RDX: variants seen among roughly 807,000 people sequenced by gnomAD.
RDX encodes radixin, also known as deafness, autosomal recessive 24.
Under a neutral mutation model 83.7 loss-of-function variants are expected in RDX, and 32 were observed. The ratio of observed to expected loss-of-function variants is 0.38; its 90% confidence interval spans 0.29 to 0.51. RDX has a LOEUF of 0.51. Among genes scored for constraint, RDX ranks in the 20% least tolerant of loss-of-function variants. RDX has a pLI of 0.87. For missense variants in RDX, 600 were observed against 689.9 expected, an observed-to-expected ratio of 0.87 and a Z score of 1.46; for synonymous variants, 229 against 222.7, an observed-to-expected ratio of 1.03 and a Z score of -0.25.
At chr11:110,236,224 T>C in intron 11 of RDX, 33 bp from the exon 12 acceptor site, 1 of 1,505,054 alleles carries the variant, frequency 6.6e-7, no homozygotes, top group Non-Finnish European at 9.2e-7. Flanking sequence ...AAAATTAAAA[T>C]AACATATTTT....
rs11213330 is a variant in RDX at position 110,263,223 on chromosome 11, G to A, written c.467+737C>T. ...CTGAGAGGCAGACTCCAATCTCAGC[G>A]AGCTGAGATTGCACCACTGCACTCC... On this transcript the variant is annotated intron_variant, in intron 5 of 13. Transcript: ENST00000645495. 3.2e-3 allele frequency: 491 copies of A among 151,572 alleles called. 32 individuals carry two copies. In the East Asian group the frequency reaches 0.078, roughly 24 times the overall value. The allele number at this position is 151,572 out of a possible 1,614,324, so 9.4% of individuals were successfully genotyped here.
intron 1 of RDX, among the ~76,000 whole-genome samples, chr11:110,283,933 T>C (rs1328158242): frequency 6.6e-6 from 1 of 152,050 alleles, no homozygotes; most frequent in Non-Finnish European, 1.5e-5. Flanking sequence ...TGGTTAAATA[T>C]ATAAAGATAT....
intron 14 of RDX, among the ~76,000 whole-genome samples, chr11:110,215,370 AAATAAATAAATAAATAAAT>A (rs1864007149): frequency 6.8e-5 from 3 of 43,848 alleles, no homozygotes; most frequent in African/African-American, 1.8e-4. Flanking sequence ...CTCAAAAAAT[AAATAAATAAATAAATAAAT>A]AAATAAATAA....
At chr11:110,247,142 T>C (rs1384055623) in intron 10 of RDX, among the ~76,000 whole-genome samples, 1 of 152,210 alleles carries the variant, frequency 6.6e-6, no homozygotes, top group African/African-American at 2.4e-5. Flanking sequence ...AGTAGCACTT[T>C]GGTTATATAT....
At chr11:110,253,902 GC>G (rs1859437158) in intron 9 of RDX, 43 bp downstream of exon 9, 1 of 1,576,892 alleles carries the variant, frequency 6.3e-7, no homozygotes, top group African/African-American at 1.3e-5. Context: ...ATTTTAGATA[GC>G]CTACTCCTAT....
chr11:110,239,738 C>T (rs1223830928), intron 10 of RDX, among the ~76,000 whole-genome samples: 2 of 151,516 alleles, frequency 1.3e-5, no homozygotes, highest in Non-Finnish European at 2.9e-5. Context: ...ATTAGCTGGG[C>T]ATGGTGGCAC....
downstream of RDX, among the ~76,000 whole-genome samples, chr11:110,228,623 G>A (rs1003021070): frequency 6.6e-6 from 1 of 151,760 alleles, no homozygotes; most frequent in African/African-American, 2.4e-5. Flanking sequence ...GGATGCCTGT[G>A]AATTTAAAAA....
intron 1 of RDX, among the ~76,000 whole-genome samples, chr11:110,286,779 G>T (rs1335530955): frequency 6.6e-6 from 1 of 152,126 alleles, no homozygotes; most frequent in Non-Finnish European, 1.5e-5. Flanking sequence ...AGTATAAACT[G>T]AATAAGGCAA....
intron 14 of RDX, among the ~76,000 whole-genome samples, chr11:110,219,257 A>C (rs553767843): frequency 2.0e-4 from 30 of 152,198 alleles, no homozygotes; most frequent in Non-Finnish European, 1.5e-5. Context: ...GCTTTAAAGA[A>C]TAACAAGGAA....
intron 5 of RDX, among the ~76,000 whole-genome samples, chr11:110,258,872 T>C (rs1859671480): frequency 7.1e-6 from 1 of 140,318 alleles, no homozygotes; most frequent in Admixed American, 7.0e-5. Context: ...ACATTCTTTT[T>C]TTTTTTTTTT....
At chr11:110,187,803 G>T (rs971424416) in intron 15 of RDX, among the ~76,000 whole-genome samples, 2 of 152,238 alleles carry the variant, frequency 1.3e-5, no homozygotes, top group Non-Finnish European at 2.9e-5. Flanking sequence ...GGACCATGGT[G>T]CACTGCACAG....
chr11:110,193,918 T>C (rs1324112098), intron 15 of RDX, among the ~76,000 whole-genome samples: 1 of 152,246 alleles, frequency 6.6e-6, no homozygotes, highest in Non-Finnish European at 1.5e-5. Context: ...AATTGGTAAT[T>C]TGTCCCATAC....
intron 14 of RDX, among the ~76,000 whole-genome samples, chr11:110,205,431 CAA>C (rs35103862): frequency 8.5e-5 from 4 of 47,076 alleles, no homozygotes; most frequent in Non-Finnish European, 1.6e-4. Context: ...TTTACCTATC[CAA>C]AAAAAAAAAA....
chr11:110,254,090 G>A lies in RDX; in HGVS notation c.815C>T (p.Pro272Leu), dbSNP rs1415646714. Residue 272 changes from proline (P) to leucine (L), a missense_variant, in exon 9 of 14, where the codon CCT becomes CTT. Transcript: ENST00000645495. ...AATCCGCTTATTGATTCTCAGACGAGGTGCATAAAACACAAAATCCTAAAC... is the reference window on the plus strand; with the variant it reads ...AATCCGCTTATTGATTCTCAGACGAAGTGCATAAAACACAAAATCCTAAAC... ...KKAPDFVFYA[P>L]RLRINKRILA... is the part of the protein sequence containing the mutation. 2 of 1,613,234 alleles carry A rather than the reference G, an allele frequency of 1.2e-6. No individual in the cohort carries two copies. The highest frequency in any genetic ancestry group is 1.3e-5 in the African/African-American group (1 of 74,838).
chr11:110,269,116 G>A (rs1431670631), intron 3 of RDX, among the ~76,000 whole-genome samples: 1 of 151,900 alleles, frequency 6.6e-6, no homozygotes, highest in Non-Finnish European at 1.5e-5. Flanking sequence ...ACCACACTCA[G>A]CTAATGTTTG....
Position 110,187,451 on chromosome 11 carries a change from A to G in RDX, c.*31+12130T>C, listed in dbSNP as rs183808676. Among the ~76,000 whole-genome samples, 953 of 151,960 alleles carry G rather than the reference A, an allele frequency of 6.3e-3. 18 individuals carry two copies. The highest frequency in any genetic ancestry group is 0.02 in the African/African-American group (837 of 41,430). On this transcript the variant is annotated intron_variant, in intron 15 of 15. Coordinates refer to the RDX transcript ENST00000528498. The stretch of plus-strand genomic sequence containing the variant: ...CCTTCCTACCCAGATAGCCTGAGTT[A>G]CTCCACCCTTCCTGAGCAGAGATCA...
intron 7 of RDX, among the ~76,000 whole-genome samples, chr11:110,256,055 G>A (rs1210110979): frequency 6.6e-6 from 1 of 152,060 alleles, no homozygotes; most frequent in Non-Finnish European, 1.5e-5. Flanking sequence ...AAAGATATAG[G>A]GAATCATATT....
chr11:110,214,520 T>G (rs1299358739), intron 14 of RDX, among the ~76,000 whole-genome samples: 12 of 117,954 alleles, frequency 1.0e-4, no homozygotes, highest in Non-Finnish European at 1.7e-4. Flanking sequence ...TAAATCATGC[T>G]GCTATAAAGA....
intron 15 of RDX, among the ~76,000 whole-genome samples, chr11:110,191,456 C>T (rs985140974): frequency 4.6e-5 from 7 of 152,190 alleles, no homozygotes; most frequent in African/African-American, 1.7e-4. Context: ...ATAACAAACC[C>T]ACACTGAACA....
Sources: allele counts gnomAD v4.1 joint callset (sites outside exome capture counted in the v4.1 genomes callset), GRCh38; gene constraint gnomAD v4.1.1; transcripts MANE v1.5; gene names NCBI Gene and HGNC (gene_info 2026-07-23, HGNC 2026-07-21).